Variants in TRAPPC11 observed in about 807,000 individuals in gnomAD.
TRAPPC11 encodes the protein trafficking protein particle complex subunit 11.
A neutral mutation model predicts 151.2 loss-of-function variants in TRAPPC11; 104 were observed. The observed-to-expected ratio is 0.69, with a 90% confidence interval of 0.59 to 0.81. TRAPPC11 has a LOEUF of 0.81. Among genes scored for constraint, TRAPPC11 ranks in the 30% least tolerant of loss-of-function variants. TRAPPC11 has a pLI of 0.00. For synonymous variants in TRAPPC11, 456 were observed against 472.3 expected (o/e 0.97, Z 0.45); for missense variants, 1,230 against 1,349.6 (o/e 0.91, Z 1.39).
chr4:183,677,723 T>C (rs568382940), intron 8 of TRAPPC11, among the ~76,000 whole-genome samples, 169 bp downstream of exon 8: 3 of 152,336 alleles, frequency 2.0e-5, no homozygotes, highest in South Asian at 4.1e-4. Flanking sequence ...CTTAGCAGGC[T>C]ATTTATAGTA....
At chr4:183,679,250 T>C in intron 8 of TRAPPC11, 103 bp from the exon 9 acceptor site, 1 of 1,186,054 alleles carries the variant, frequency 8.4e-7, no homozygotes, top group Non-Finnish European at 1.1e-6. Context: ...GAAGGAAATT[T>C]CATTGTCTTT....
chr4:183,697,846 T>G lies in TRAPPC11; in HGVS notation c.2851+11T>G. The G allele has an allele frequency of 6.2e-7, 1 of 1,611,160 alleles. No individual in the cohort carries two copies. Among genetic ancestry groups the G allele is most frequent in the Non-Finnish European group, 8.5e-7 (1 of 1,178,748 alleles). ...CTCAAGTGGACAATGGTGAGTCTGG[T>G]TCATTCCCACTTAAAGACCAGGAGA... On this transcript the variant is annotated intron_variant, in intron 25 of 29. Coordinates refer to ENST00000334690, the MANE Select transcript of TRAPPC11 (RefSeq NM_021942.6).
chr4:183,675,849 T>TG (rs1227271087), intron 7 of TRAPPC11: 1 of 152,216 alleles, frequency 6.6e-6, no homozygotes, highest in Non-Finnish European at 1.5e-5. Flanking sequence ...GAAGATTAGT[T>TG]GCAGATGTGT....
At chr4:183,694,798 A>C in intron 23 of TRAPPC11, 75 bp downstream of exon 23, 1 of 1,068,412 alleles carries the variant, frequency 9.4e-7, no homozygotes, top group Non-Finnish European at 1.3e-6. Context: ...GTTTACCTAT[A>C]AAATAAGCAT....
In TRAPPC11 at chr4:183,681,911, A is replaced by G. The variant is rs569277177; in HGVS notation, c.1114-821A>G. Among the ~76,000 whole-genome samples the G allele has an allele frequency of 4.5e-4, 69 of 152,344 alleles. 1 individual carries two copies. In the South Asian group the frequency reaches 0.014, roughly 31 times the overall value. ...AATAAATTCTGAAATAAGTACCAAA[A>G]TTTATTTATAAAGTTGTTCTCACAG... On this transcript the variant is annotated intron_variant, in intron 10 of 29. Coordinates refer to ENST00000334690, the MANE Select transcript of TRAPPC11 (RefSeq NM_021942.6).
At position 183,705,062 on chromosome 4, in the gene TRAPPC11, T is replaced by A; in HGVS notation, c.3047T>A (p.Val1016Glu). The part of the protein sequence containing the change: ...HVIVENIPLH[V>E]NADLPSFGRV... Reference sequence around the variant, plus strand: ...ATTGTGGAGAATATCCCTCTCCATGTGAATGCAGGTAGCGGAATTCAAATT... The same window carrying A: ...ATTGTGGAGAATATCCCTCTCCATGAGAATGCAGGTAGCGGAATTCAAATT... Residue 1016 changes from valine (V) to glutamate (E), a missense_variant, in exon 27 of 30, where the codon GTG (valine) becomes GAG (glutamate). Val to Glu is a moderately radical substitution (Grantham distance 121). Transcript: ENST00000334690. The A allele has an allele frequency of 1.3e-6, 2 of 1,584,872 alleles. No homozygotes were observed. The highest frequency in any genetic ancestry group is 1.7e-6 in the Non-Finnish European group (2 of 1,159,084).
chr4:183,670,363 C>A (rs1045949819), intron 5 of TRAPPC11, among the ~76,000 whole-genome samples: 1 of 152,134 alleles, frequency 6.6e-6, no homozygotes, highest in Non-Finnish European at 1.5e-5. Flanking sequence ...GTTAATGATT[C>A]GAGTAAGCTT....
intron 26 of TRAPPC11, 26 bp downstream of exon 26, chr4:183,701,834 T>G (rs368151536): frequency 1.5e-6 from 2 of 1,363,172 alleles, no homozygotes; most frequent in South Asian, 1.2e-5. Context: ...ATCCTGTCTT[T>G]TCTTCAATGT....
chr4:183,701,938 C>T, intron 26 of TRAPPC11, 130 bp downstream of exon 26: 1 of 665,060 alleles, frequency 1.5e-6, no homozygotes, highest in South Asian at 1.8e-5. Context: ...TGGATATGAA[C>T]ACAAACCTGA....
In TRAPPC11 at chr4:183,678,524, G is replaced by A. The variant is rs73872658; in HGVS notation, c.832-829G>A. ...ATTAAAAGCTGTTGAGAATGAGGCC[G>A]CTCTATGTAGTGATATGGAATAATA... is the stretch of plus-strand genomic sequence containing the variant. On this transcript the variant is annotated intron_variant, in intron 8 of 29. Transcript: ENST00000334690. Among the ~76,000 whole-genome samples, 1,314 of 152,250 alleles carry A rather than the reference G, an allele frequency of 8.6e-3. 21 individuals carry two copies. The highest frequency in any genetic ancestry group is 0.03 in the African/African-American group (1,258 of 41,542).
chr4:183,679,702 T>G (rs953162669), intron 9 of TRAPPC11, among the ~76,000 whole-genome samples: 2 of 152,214 alleles, frequency 1.3e-5, no homozygotes, highest in Non-Finnish European at 2.9e-5. Flanking sequence ...TCTTTTTCAT[T>G]CAGCATATAT....
At chr4:183,704,551 T>C (rs6552698) in intron 26 of TRAPPC11, among the ~76,000 whole-genome samples, 39,206 of 148,188 alleles carry the variant, frequency 0.26, 5,579 homozygotes, top group African/African-American at 0.38. Context: ...GCCAGGCGCA[T>C]GCCTGTAATC....
Position 183,663,744 on chromosome 4 carries a change from T to G in TRAPPC11, c.-21-103T>G, listed in dbSNP as rs955091052. On this transcript the variant is annotated intron_variant, in intron 1 of 29. Coordinates refer to ENST00000334690, the MANE Select transcript of TRAPPC11 (RefSeq NM_021942.6). ...GGAAATGAATATGAGTTGTTTTTTT[T>G]TTTTTTTTTTTGAGACAGAGTTTTG... 64 of 511,284 alleles carry G rather than the reference T, an allele frequency of 1.3e-4. 1 individual carries two copies. The highest frequency in any genetic ancestry group is 6.3e-4 in the South Asian group (21 of 33,488). 31.7% of individuals were successfully genotyped at this position (511,284 alleles called of 1,614,324 possible).
intron 25 of TRAPPC11, among the ~76,000 whole-genome samples, chr4:183,699,185 A>T (rs1016959104): frequency 2.0e-5 from 3 of 152,162 alleles, no homozygotes; most frequent in African/African-American, 4.8e-5. Flanking sequence ...AACTTAGGGC[A>T]TTCATCCAAC....
intron 1 of TRAPPC11, among the ~76,000 whole-genome samples, chr4:183,663,391 GC>G (rs945424228): frequency 1.3e-5 from 2 of 152,132 alleles, no homozygotes; most frequent in Admixed American, 6.5e-5. Context: ...CCACCACCAC[GC>G]CCGGCTAATT....
intron 9 of TRAPPC11, 55 bp from the exon 10 acceptor site, chr4:183,680,065 A>G: frequency 2.0e-6 from 3 of 1,490,748 alleles, no homozygotes; most frequent in Non-Finnish European, 9.2e-7. Context: ...ATTACCAGAA[A>G]TAAGCTTCTT....
rs1734699937 is a variant in TRAPPC11, at chr4:183,663,921, C to G, written c.54C>G (p.Ala18=). 1.2e-6 allele frequency: 2 copies of G among 1,614,108 alleles called. No individual in the cohort carries two copies. The highest frequency in any genetic ancestry group is 1.7e-6 in the Non-Finnish European group (2 of 1,180,004). Residue 18 remains alanine (A), a synonymous_variant, in exon 2 of 30, where the codon GCC becomes GCG. Transcript: ENST00000334690. ...FPVELCCRPM[A]FVTLTGLDVV... Reference sequence around the variant, plus strand: ...TGGAATTATGTTGCCGGCCTATGGCCTTTGTTACTCTAACGGGCCTGGATG... The same window carrying G: ...TGGAATTATGTTGCCGGCCTATGGCGTTTGTTACTCTAACGGGCCTGGATG...
intron 25 of TRAPPC11, among the ~76,000 whole-genome samples, chr4:183,700,321 C>G (rs1579217846): frequency 6.6e-6 from 1 of 152,150 alleles, no homozygotes; most frequent in Non-Finnish European, 1.5e-5. Context: ...AAAGGTTGAT[C>G]CAGCTTTTTT....
Position 183,663,875 on chromosome 4 carries a change from C to G in TRAPPC11, c.8C>G (p.Pro3Arg), listed in dbSNP as rs1424365746. The stretch of plus-strand genomic sequence containing the variant: ...TTTTGTGACATCGTAAACATGAGCC[C>G]CACACAGTGGGACTTCCCTGTGGAA... Reference protein sequence around the residue: MSPTQWDFPVELC... With the variant: MSRTQWDFPVELC... The change falls in exon 2 of 30, where the codon CCC becomes CGC. Residue 3 changes from proline (P) to arginine (R), a missense_variant. Physicochemically the swap from Pro to Arg is moderately radical, Grantham distance 103. Coordinates refer to ENST00000334690, the MANE Select transcript of TRAPPC11 (RefSeq NM_021942.6). The G allele has an allele frequency of 6.2e-7, 1 of 1,613,518 alleles. No homozygotes were observed. The highest frequency in any genetic ancestry group is 8.5e-7 in the Non-Finnish European group (1 of 1,179,690).
Sources: gnomAD v4.1 joint callset for allele counts (sites outside exome capture counted in the v4.1 genomes callset) on GRCh38, gnomAD v4.1.1 for gene constraint, MANE v1.5 for transcripts, NCBI Gene and HGNC (gene_info 2026-07-23, HGNC 2026-07-21) for gene names.